Variants in ABCA13 observed in about 807,000 individuals in gnomAD.
ABCA13 encodes ATP-binding cassette sub-family A member 13.
ABCA13 carries 476 observed loss-of-function variants against 478.7 expected under a neutral mutation model. The ratio of observed to expected loss-of-function variants is 0.99; its 90% confidence interval spans 0.92 to 1.07. The LOEUF is 1.07. Ranked by LOEUF, ABCA13 falls within the 50% of genes least tolerant of loss-of-function variation. The pLI is 0.00. For missense variants in ABCA13, 6,060 were observed against 5,910.6 expected (o/e 1.03, Z -0.83); for synonymous variants, 2,252 against 2,158.9 (o/e 1.04, Z -1.20).
chr7:48,223,699 G>A (rs1222769585), intron 5 of ABCA13, among the ~76,000 whole-genome samples: 2 of 152,104 alleles, frequency 1.3e-5, no homozygotes, highest in East Asian at 1.9e-4. Flanking sequence ...GCTCATGCCT[G>A]TAACCCTAGC....
chr7:48,569,164 G>A (rs1434623048), intron 55 of ABCA13, among the ~76,000 whole-genome samples: 3 of 151,710 alleles, frequency 2.0e-5, no homozygotes, highest in African/African-American at 7.3e-5. Context: ...TTTAGGTTTA[G>A]TTTGCTTTAG....
Position 48,269,026 on chromosome 7 carries a change from A to G in ABCA13, c.2052A>G (p.Lys684=). The change falls in exon 16 of 62, where the codon AAA becomes AAG. Residue 684 remains lysine (K), a synonymous_variant. Transcript: ENST00000435803. Reference sequence around the variant, plus strand: ...GTTTTGAAGAAAACATGGATTGGAAAATGATCAGTGATAATTATTTTCAAT... The same window carrying G: ...GTTTTGAAGAAAACATGGATTGGAAGATGATCAGTGATAATTATTTTCAAT... ...SPCFEENMDW[K]MISDNYFQFL... The G allele has an allele frequency of 2.5e-6, 4 of 1,603,298 alleles. No homozygotes were observed. In the South Asian group the frequency reaches 4.5e-5, roughly 18 times the overall value.
chr7:48,232,668 G>T (rs879540369), intron 7 of ABCA13, among the ~76,000 whole-genome samples: 2 of 152,142 alleles, frequency 1.3e-5, no homozygotes, highest in Non-Finnish European at 2.9e-5. Context: ...ATTCTCTGTT[G>T]TTTAGCAACA....
chr7:48,599,902 A>G (rs928683706), intron 58 of ABCA13, among the ~76,000 whole-genome samples: 2 of 129,268 alleles, frequency 1.5e-5, no homozygotes, highest in African/African-American at 6.1e-5. Context: ...TAGTAGTTGG[A>G]TGGAATATTG....
chr7:48,311,255 A>AAC (rs1272546607), intron 24 of ABCA13, among the ~76,000 whole-genome samples: 3 of 152,094 alleles, frequency 2.0e-5, no homozygotes, highest in Non-Finnish European at 4.4e-5. Flanking sequence ...TGTTGGAATG[A>AAC]ACACACACAC....
chr7:48,643,534 C>T, intron 60 of ABCA13, 141 bp downstream of exon 60: 1 of 668,740 alleles, frequency 1.5e-6, no homozygotes, highest in Non-Finnish European at 2.5e-6. Flanking sequence ...TAGGCCCTGC[C>T]TCCCTACCAA....
rs756835601 is a variant in ABCA13 at position 48,272,935 on chromosome 7, C to A, written c.3269C>A (p.Ser1090Ter). The A allele has an allele frequency of 1.9e-6, 3 of 1,613,024 alleles. No homozygotes were observed. The highest frequency in any genetic ancestry group is 3.3e-5 in the Admixed American group (2 of 59,876). The change falls in exon 17 of 62, where the codon TCA becomes TAA. Residue 1090 changes from serine (S) to a stop codon, truncating the protein, a stop_gained. Coordinates refer to ENST00000435803, the MANE Select transcript of ABCA13 (RefSeq NM_152701.5). LOFTEE classifies it high-confidence loss of function. Reference protein sequence around the residue: ...FQYMSQFFNSSVEDLLDNKCL... With the variant: ...FQYMSQFFNS ...TATATGAGCCAATTCTTCAACAGTTCAGTAGAAGACCTATTGGATAATAAA... is the reference window on the plus strand; with the variant it reads ...TATATGAGCCAATTCTTCAACAGTTAAGTAGAAGACCTATTGGATAATAAA...
intron 24 of ABCA13, among the ~76,000 whole-genome samples, 184 bp downstream of exon 24, chr7:48,310,325 G>T (rs1433538126): frequency 1.3e-5 from 2 of 152,146 alleles, no homozygotes; most frequent in Admixed American, 6.5e-5. Flanking sequence ...AGAAGACTTT[G>T]TTGTAATAAA....
chr7:48,245,385 G>A (rs1039438552), intron 11 of ABCA13, 127 bp from the exon 12 acceptor site: 3 of 654,994 alleles, frequency 4.6e-6, no homozygotes. Context: ...AGAAGAAAAT[G>A]TATAATAATA....
At chr7:48,463,241 T>C (rs577344013) in intron 43 of ABCA13, among the ~76,000 whole-genome samples, 1 of 152,214 alleles carries the variant, frequency 6.6e-6, no homozygotes, top group Non-Finnish European at 1.5e-5. Context: ...GTGTTTGTTA[T>C]TGCTGTTTTG....
intron 15 of ABCA13, among the ~76,000 whole-genome samples, chr7:48,265,892 G>T (rs1794808281): frequency 6.6e-6 from 1 of 151,558 alleles, no homozygotes; most frequent in African/African-American, 2.4e-5. Context: ...GTTAGCTATA[G>T]GTTTTCATAG....
chr7:48,229,622 A>C (rs961741052), intron 6 of ABCA13, among the ~76,000 whole-genome samples: 1 of 152,188 alleles, frequency 6.6e-6, no homozygotes, highest in African/African-American at 2.4e-5. Flanking sequence ...TCAAGAGAAG[A>C]CCTTACCTCT....
intron 53 of ABCA13, among the ~76,000 whole-genome samples, chr7:48,522,345 C>T (rs544215147): frequency 5.3e-5 from 8 of 152,226 alleles, no homozygotes; most frequent in African/African-American, 1.9e-4. Flanking sequence ...TCCCACTGTC[C>T]TGCTGCTGGC....
intron 23 of ABCA13, among the ~76,000 whole-genome samples, chr7:48,303,078 C>G (rs921266681): frequency 6.6e-6 from 1 of 152,130 alleles, no homozygotes; most frequent in African/African-American, 2.4e-5. Context: ...TTGCATGTCT[C>G]TAATGATCAG....
chr7:48,200,328 C>G (rs555701847), intron 3 of ABCA13, among the ~76,000 whole-genome samples: 93 of 152,324 alleles, frequency 6.1e-4, no homozygotes, highest in Middle Eastern at 6.8e-3. Context: ...GATTGCGCCA[C>G]TGCACTCCAG....
intron 4 of ABCA13, among the ~76,000 whole-genome samples, chr7:48,221,020 C>T (rs1343363357): frequency 6.6e-6 from 1 of 152,046 alleles, no homozygotes. Context: ...TTAAATAATA[C>T]AATACCCTTT....
chr7:48,258,648 A>T (rs1027786970), intron 15 of ABCA13, among the ~76,000 whole-genome samples: 2 of 152,082 alleles, frequency 1.3e-5, no homozygotes, highest in Non-Finnish European at 2.9e-5. Context: ...TGCAGAAACC[A>T]TGTGCAGAAG....
intron 27 of ABCA13, among the ~76,000 whole-genome samples, chr7:48,327,160 G>A (rs755822877): frequency 2.6e-5 from 4 of 152,136 alleles, no homozygotes; most frequent in Non-Finnish European, 4.4e-5. Context: ...ATTTATAAAG[G>A]AAAGAGGTTT....
chr7:48,412,976 T>C (rs1247086994), intron 41 of ABCA13, among the ~76,000 whole-genome samples: 1 of 151,602 alleles, frequency 6.6e-6, no homozygotes, highest in Non-Finnish European at 1.5e-5. Context: ...CACGCCTGGC[T>C]AATTTTTTGT....
Sources: allele counts gnomAD v4.1 joint callset (sites outside exome capture counted in the v4.1 genomes callset), GRCh38; gene constraint gnomAD v4.1.1; transcripts MANE v1.5; gene names NCBI Gene and HGNC (gene_info 2026-07-23, HGNC 2026-07-21).